Variants in SPTBN5 observed in about 807,000 individuals in gnomAD.
SPTBN5 encodes spectrin beta, non-erythrocytic 5.
In SPTBN5, 513 loss-of-function variants were observed where a neutral mutation model predicts 477.6. The ratio of observed to expected loss-of-function variants is 1.07; its 90% CI spans 1.00 to 1.16. The LOEUF is 1.16. Ranked by LOEUF, SPTBN5 falls within the 50% of genes most tolerant of loss-of-function variation. The pLI is 0.00. For synonymous variants in SPTBN5, 2,169 were observed against 2,011.7 expected (o/e 1.08, Z -2.09); for missense variants, 5,062 against 4,731.8 (o/e 1.07, Z -2.05).
intron 47 of SPTBN5, among the ~76,000 whole-genome samples, chr15:41,860,333 C>T (rs2066062317): frequency 6.6e-6 from 1 of 152,256 alleles, no homozygotes; most frequent in Admixed American, 6.5e-5. Context: ...TAGCATAAGC[C>T]TCTCTTTAAA....
chr15:41,874,000 C>A lies in SPTBN5; in HGVS notation c.4735G>T (p.Val1579Leu). The A allele has an allele frequency of 6.2e-7, 1 of 1,603,372 alleles. No individual in the cohort carries two copies. The part of the protein sequence containing the change: ...VKAHQGQVQR[V>L]LSSGRSLAAS... ...GCCAGGCTCCGCCCAGAACTCAGCACCCGTTGCACCTGCCCCTGGTGAGCT... is the reference window on the plus strand; with the variant it reads ...GCCAGGCTCCGCCCAGAACTCAGCAACCGTTGCACCTGCCCCTGGTGAGCT... The change falls in exon 25 of 68, where the codon GTG becomes TTG. Residue 1579 changes from valine (V) to leucine (L), a missense_variant. Transcript: ENST00000320955.
rs761997823 is a variant in SPTBN5 at position 41,883,346 on chromosome 15, A to G, written c.1659+2T>C. 5.0e-6 allele frequency: 8 copies of G among 1,612,880 alleles called. No individual in the cohort carries two copies. The highest frequency in any genetic ancestry group is 6.8e-6 in the Non-Finnish European group (8 of 1,179,692). On this transcript the variant is annotated splice_donor_variant, in intron 8 of 67. Transcript: ENST00000320955. LOFTEE classifies it high-confidence loss of function. ...CCAAGGGCCTGCTGGTCCAGTGCCCACCTGCAGCTCCTCCAGCTGGTGGGA... is the reference window on the plus strand; with the variant it reads ...CCAAGGGCCTGCTGGTCCAGTGCCCGCCTGCAGCTCCTCCAGCTGGTGGGA...
At chr15:41,873,633 C>T in intron 25 of SPTBN5, 25 bp from the exon 26 acceptor site, 1 of 1,537,744 alleles carries the variant, frequency 6.5e-7, no homozygotes. Flanking sequence ...GCCAACTCAC[C>T]TGGAGGATCT....
intron 17 of SPTBN5, 42 bp downstream of exon 17, chr15:41,878,300 G>C (rs779418127): frequency 1.1e-5 from 17 of 1,597,140 alleles, no homozygotes; most frequent in Non-Finnish European, 1.5e-5. Flanking sequence ...CAGAGCCCTG[G>C]TCCCAGCCCA....
chr15:41,862,101 G>A, intron 44 of SPTBN5, 29 bp downstream of exon 44: 2 of 1,524,504 alleles, frequency 1.3e-6, no homozygotes, highest in Non-Finnish European at 1.8e-6. Flanking sequence ...TGAGAGCCTG[G>A]GAAAGGCTTG....
chr15:41,872,823 G>A (rs970570565), intron 26 of SPTBN5, among the ~76,000 whole-genome samples: 3 of 152,190 alleles, frequency 2.0e-5, no homozygotes, highest in Admixed American at 6.5e-5. Context: ...CAGTATAGCC[G>A]GGAGATGGGT....
Position 41,871,820 on chromosome 15 carries a change from CT to C in SPTBN5, c.5262del (p.Gly1755GlufsTer44). 6.3e-7 allele frequency: 1 copy of C among 1,592,322 alleles called. No homozygotes were observed. The highest frequency in any genetic ancestry group is 8.5e-7 in the Non-Finnish European group (1 of 1,169,776). On this transcript the variant is annotated frameshift_variant, in exon 28 of 68. Coordinates refer to ENST00000320955, the MANE Select transcript of SPTBN5 (RefSeq NM_016642.4). LOFTEE classifies it high-confidence loss of function. ...GGGTCCTCTCCCAGGCTCTCCCCTC[CT>C]TTGGCTGCCTGCTTCTGGCTTGCCA... is the stretch of plus-strand genomic sequence containing the variant. ...GWLASQKQAA[K>X]GGESLGEDPE...
Position 41,880,318 on chromosome 15 carries a change from G to T in SPTBN5, c.2659-6C>A. On this transcript the variant is annotated splice_polypyrimidine_tract_variant and splice_region_variant and intron_variant, in intron 13 of 67. Coordinates refer to ENST00000320955, the MANE Select transcript of SPTBN5 (RefSeq NM_016642.4). Reference sequence around the variant, plus strand: ...TCCAACCGGGCCCTGCGGAGCTGGGGAGAGGTGGCCCAAGGCTGGGGTGAG... The same window carrying T: ...TCCAACCGGGCCCTGCGGAGCTGGGTAGAGGTGGCCCAAGGCTGGGGTGAG... The T allele has an allele frequency of 6.3e-7, 1 of 1,596,338 alleles. No homozygotes were observed. The highest frequency in any genetic ancestry group is 8.5e-7 in the Non-Finnish European group (1 of 1,172,682).
rs755472527 is a variant in SPTBN5, at chr15:41,870,556, C to T, written c.5452G>A (p.Ala1818Thr). The T allele has an allele frequency of 4.4e-6, 7 of 1,606,522 alleles. No homozygotes were observed. The highest frequency in any genetic ancestry group is 2.2e-5 in the South Asian group (2 of 90,900). ...GTCAGCTCCCACAGCTCCGACCAGG[C>T]GGTCCTGCCCACGGCGTGTGGAAGA... is the stretch of plus-strand genomic sequence containing the variant. Reference protein sequence around the residue: ...VRQRQQDLQTAWSELWELTQA... With the variant: ...VRQRQQDLQTTWSELWELTQA... The change falls in exon 30 of 68, where the codon GCC becomes ACC. Residue 1818 changes from alanine (A) to threonine (T), a missense_variant. Ala to Thr is a moderately conservative substitution (Grantham distance 58, BLOSUM62 0). Coordinates refer to ENST00000320955, the MANE Select transcript of SPTBN5 (RefSeq NM_016642.4).
rs377541681 is a variant in SPTBN5 at position 41,873,943 on chromosome 15, C to T, written c.4792G>A (p.Val1598Met). ...ASGHPQAQHI[V>M]EQCQELEGHW... ...CCTTCCAGCTCCTGGCACTGCTCCACGATGTGTTGGGCTTGGGGGTGCCCT... is the reference window on the plus strand; with the variant it reads ...CCTTCCAGCTCCTGGCACTGCTCCATGATGTGTTGGGCTTGGGGGTGCCCT... The change falls in exon 25 of 68, where the codon GTG (valine) becomes ATG (methionine). Residue 1598 changes from valine to methionine, a missense_variant. Coordinates refer to ENST00000320955, the MANE Select transcript of SPTBN5 (RefSeq NM_016642.4). The T allele has an allele frequency of 7.0e-5, 112 of 1,610,090 alleles. No homozygotes were observed. The highest frequency in any genetic ancestry group is 3.3e-4 in the African/African-American group (25 of 75,066).
chr15:41,874,536 G>T, intron 23 of SPTBN5, 58 bp from the exon 24 acceptor site: 1 of 1,419,288 alleles, frequency 7.0e-7, no homozygotes, highest in East Asian at 2.4e-5. Flanking sequence ...CAAGGCTCCT[G>T]GTTCTTTCCT....
At chr15:41,854,552 G>T (rs757890800) in intron 56 of SPTBN5, among the ~76,000 whole-genome samples, 6 of 152,034 alleles carry the variant, frequency 3.9e-5, no homozygotes, top group Non-Finnish European at 8.8e-5. Context: ...GGGGCTGGGG[G>T]ACCGGGTCAG....
At position 41,880,153 on chromosome 15, in the gene SPTBN5, G is replaced by T. The variant is rs1382186597; in HGVS notation, c.2811+7C>A. 49 of 1,592,142 alleles carry T rather than the reference G, an allele frequency of 3.1e-5. No homozygotes were observed. In the East Asian group the frequency reaches 1.1e-3, roughly 35 times the overall value. ...GAGGAGGAGGTGCCAAGCTCCCAGGGCTGTACCTCATATTTGAGCTGCATG... is the reference window on the plus strand; with the variant it reads ...GAGGAGGAGGTGCCAAGCTCCCAGGTCTGTACCTCATATTTGAGCTGCATG... On this transcript the variant is annotated splice_region_variant and intron_variant, in intron 14 of 67. Transcript: ENST00000320955.
intron 66 of SPTBN5, 25 bp from the exon 67 acceptor site, chr15:41,849,984 G>A (rs888155134): frequency 1.7e-5 from 26 of 1,553,740 alleles, no homozygotes; most frequent in Non-Finnish European, 2.1e-5. Flanking sequence ...AATAACCACT[G>A]TTAGCCCGGC....
intron 29 of SPTBN5, among the ~76,000 whole-genome samples, chr15:41,871,164 C>T (rs77353363): frequency 1.6e-3 from 250 of 152,378 alleles, no homozygotes; most frequent in African/African-American, 5.7e-3. Context: ...GGGGGCAGGA[C>T]TCTGACCTGC....
Position 41,887,918 on chromosome 15 carries a change from G to A in SPTBN5, c.659+10C>T. 1 of 1,606,512 alleles carries A rather than the reference G, an allele frequency of 6.2e-7. No individual in the cohort carries two copies. Among genetic ancestry groups the A allele is most frequent in the Non-Finnish European group, 8.5e-7 (1 of 1,176,598 alleles). On this transcript the variant is annotated intron_variant, in intron 5 of 67. Coordinates refer to ENST00000320955, the MANE Select transcript of SPTBN5 (RefSeq NM_016642.4). ...TGGGCAGAGGCCTCCTGACAAGGGT[G>A]GGGTCACACCTGTGGGCATGGATGA...
rs1184917873 is a variant in SPTBN5 at position 41,880,263 on chromosome 15, C to T, written c.2708G>A (p.Ser903Asn). 3 of 1,607,728 alleles carry T rather than the reference C, an allele frequency of 1.9e-6. No homozygotes were observed. The highest frequency in any genetic ancestry group is 2.2e-5 in the East Asian group (1 of 44,734). Residue 903 changes from serine (S) to asparagine (N), a missense_variant, in exon 14 of 68, where the codon AGT (serine) becomes AAT (asparagine). Transcript: ENST00000320955. ...CCACAACTGGAGCTCCCCACAGGAA[C>T]TGCAGAAACCGAACAGGGCCATGGC... is the stretch of plus-strand genomic sequence containing the variant. ...EEAMALFGFC[S>N]SCGELQLWLE...
chr15:41,852,952 C>T lies in SPTBN5; in HGVS notation c.10219G>A (p.Glu3407Lys), dbSNP rs1396113749. The T allele has an allele frequency of 1.3e-6, 2 of 1,574,078 alleles. No individual in the cohort carries two copies. The highest frequency in any genetic ancestry group is 1.7e-6 in the Non-Finnish European group (2 of 1,160,460). Residue 3407 changes from glutamate (E) to lysine (K), a missense_variant, in exon 60 of 68, where the codon GAG (glutamate) becomes AAG (lysine). Glu to Lys is a moderately conservative substitution (Grantham distance 56). Coordinates refer to ENST00000320955, the MANE Select transcript of SPTBN5 (RefSeq NM_016642.4). Reference sequence around the variant, plus strand: ...CGTTGCCAGCGCAGGGCCCAAGCCTCCTCCAGCTCCTGCAGCCGCCCTTCC... The same window carrying T: ...CGTTGCCAGCGCAGGGCCCAAGCCTTCTCCAGCTCCTGCAGCCGCCCTTCC... Reference protein sequence around the residue: ...ELEGRLQELEEAWALRWQRCA... With the variant: ...ELEGRLQELEKAWALRWQRCA...
At chr15:41,850,451 T>C (rs1287173094) in intron 66 of SPTBN5, 2 of 232,560 alleles carry the variant, frequency 8.6e-6, no homozygotes, top group Admixed American at 5.1e-5. Flanking sequence ...AACTCAAGGG[T>C]GGTGACATTC....
Sources: gnomAD v4.1 joint callset for allele counts (sites outside exome capture counted in the v4.1 genomes callset) on GRCh38, gnomAD v4.1.1 for gene constraint, MANE v1.5 for transcripts, NCBI Gene and HGNC (gene_info 2026-07-23, HGNC 2026-07-21) for gene names.